The following DENND5A variants were observed in gnomAD, a reference collection of about 807,000 sequenced individuals.
The protein encoded by DENND5A is DENN domain containing 5A.
DENND5A carries 64 observed loss-of-function variants against 140.3 expected under a neutral mutation model. That is an observed-to-expected ratio of 0.46 (90% CI 0.37 to 0.56). DENND5A has a LOEUF of 0.56. DENND5A is among the 20% of genes least tolerant of loss of function. The pLI is 0.00. For missense variants in DENND5A, 1,292 were observed against 1,593.8 expected (o/e 0.81, Z 3.22); for synonymous variants, 605 against 607.7 (o/e 1.00, Z 0.07).
At chr11:9,229,116 T>G (rs912530096) in intron 1 of DENND5A, among the ~76,000 whole-genome samples, 1 of 152,172 alleles carries the variant, frequency 6.6e-6, no homozygotes, top group Non-Finnish European at 1.5e-5. Flanking sequence ...AGGCAGTTAG[T>G]GTCAGAATTG....
chr11:9,178,658 G>A (rs1022006201), intron 7 of DENND5A, among the ~76,000 whole-genome samples, 200 bp downstream of exon 7: 13 of 152,110 alleles, frequency 8.5e-5, no homozygotes, highest in African/African-American at 3.1e-4. Context: ...TTTGGCTGAA[G>A]GTAAATCGTC....
intron 10 of DENND5A, among the ~76,000 whole-genome samples, chr11:9,169,070 AAAG>A (rs1168259583): frequency 1.3e-5 from 2 of 152,180 alleles, no homozygotes; most frequent in Non-Finnish European, 2.9e-5. Context: ...TTAGTCTTTT[AAAG>A]AAGAAGAAGA....
At chr11:9,183,607 G>C (rs1848807147) in intron 5 of DENND5A, among the ~76,000 whole-genome samples, 1 of 151,966 alleles carries the variant, frequency 6.6e-6, no homozygotes, top group Admixed American at 6.6e-5. Context: ...GAGTGTCGCT[G>C]TGTTGCCCAG....
chr11:9,230,607 G>A (rs1850731551), intron 1 of DENND5A, among the ~76,000 whole-genome samples: 1 of 152,102 alleles, frequency 6.6e-6, no homozygotes, highest in African/African-American at 2.4e-5. Flanking sequence ...TAAGATGGGT[G>A]AGGAAAGGTA....
At chr11:9,250,271 C>CAA (rs533567696) in intron 1 of DENND5A, among the ~76,000 whole-genome samples, 15 of 142,190 alleles carry the variant, frequency 1.1e-4, no homozygotes, top group South Asian at 2.2e-4. Context: ...AAACTGTCAC[C>CAA]AAAAAAAAAA....
intron 3 of DENND5A, among the ~76,000 whole-genome samples, chr11:9,204,875 T>C (rs558024572): frequency 3.9e-5 from 6 of 152,160 alleles, no homozygotes; most frequent in South Asian, 2.1e-4. Flanking sequence ...AAGGTAATGT[T>C]AGAGTTCATC....
At chr11:9,157,015 T>C (rs1847828476) in intron 12 of DENND5A, among the ~76,000 whole-genome samples, 1 of 152,184 alleles carries the variant, frequency 6.6e-6, no homozygotes, top group Admixed American at 6.5e-5. Flanking sequence ...AATGATACGA[T>C]ACTATTTTTC....
intron 1 of DENND5A, among the ~76,000 whole-genome samples, chr11:9,219,162 TAA>T (rs1239733457): frequency 6.6e-6 from 1 of 151,774 alleles, no homozygotes; most frequent in African/African-American, 2.4e-5. Flanking sequence ...AACAAAATAA[TAA>T]AGTTTCCCAG....
At position 9,203,651 on chromosome 11, in the gene DENND5A, C is replaced by T; in HGVS notation, c.949+9G>A. On this transcript the variant is annotated intron_variant, in intron 4 of 22. Coordinates refer to ENST00000328194, the MANE Select transcript of DENND5A (RefSeq NM_015213.4). ...GGCAGGCAGAAGGCTCTAGTAAGCA[C>T]TGACTTACGCTGTGAGTAGAGCAGG... The T allele has an allele frequency of 6.2e-7, 1 of 1,606,356 alleles. No individual in the cohort carries two copies.
intron 10 of DENND5A, 76 bp downstream of exon 10, chr11:9,169,780 A>G (rs1234673698): frequency 2.1e-6 from 2 of 961,026 alleles, no homozygotes; most frequent in Non-Finnish European, 3.4e-6. Context: ...ATCAGACCAG[A>G]GAACAGGAAA....
chr11:9,249,238 A>T (rs902386449), intron 1 of DENND5A, among the ~76,000 whole-genome samples: 4 of 152,148 alleles, frequency 2.6e-5, no homozygotes, highest in African/African-American at 9.7e-5. Flanking sequence ...AAAAAAAAAA[A>T]GAAAAAGAAC....
chr11:9,179,126 CA>C, intron 6 of DENND5A, 53 bp from the exon 7 acceptor site: 1 of 1,489,654 alleles, frequency 6.7e-7, no homozygotes, highest in Non-Finnish European at 9.2e-7. Context: ...CCTTTTAACC[CA>C]AGGAATGCAA....
At chr11:9,141,896 C>T (rs751361557) in intron 22 of DENND5A, 44 bp downstream of exon 22, 1 of 1,512,942 alleles carries the variant, frequency 6.6e-7, no homozygotes, top group Non-Finnish European at 8.9e-7. Context: ...AACACCACCA[C>T]CAAGGCTAAC....
intron 5 of DENND5A, among the ~76,000 whole-genome samples, chr11:9,191,228 G>T (rs531775659): frequency 1.3e-5 from 2 of 149,808 alleles, no homozygotes; most frequent in African/African-American, 4.9e-5. Flanking sequence ...TTTTTTTTTT[G>T]AGGTGGAGTC....
chr11:9,251,661 G>T (rs1236325872), intron 1 of DENND5A, among the ~76,000 whole-genome samples: 1 of 152,138 alleles, frequency 6.6e-6, no homozygotes, highest in Non-Finnish European at 1.5e-5. Context: ...TTTGGAATAT[G>T]GCATTTGACT....
At chr11:9,230,219 TA>T (rs1290268688) in intron 1 of DENND5A, among the ~76,000 whole-genome samples, 15 of 142,888 alleles carry the variant, frequency 1.0e-4, no homozygotes, top group African/African-American at 3.9e-4. Flanking sequence ...CCATTTCATG[TA>T]AAACTAATGC....
chr11:9,220,318 C>T (rs1166237687), intron 1 of DENND5A, among the ~76,000 whole-genome samples: 2 of 151,756 alleles, frequency 1.3e-5, no homozygotes, highest in Non-Finnish European at 2.9e-5. Flanking sequence ...GAGGCCGACG[C>T]GGGCAGATCA....
At chr11:9,195,988 T>C (rs901312419) in intron 4 of DENND5A, among the ~76,000 whole-genome samples, 2 of 152,210 alleles carry the variant, frequency 1.3e-5, no homozygotes, top group African/African-American at 2.4e-5. Context: ...AGTCTCGCTC[T>C]GTCACCCAGG....
rs552605069 is a variant in DENND5A, at chr11:9,216,219, T to C, written c.110-8587A>G. ...TTCTTCACCTGAAAGATGAAGTATATGACTAGCTGCTCATCTCTAAAGGTT... is the reference window on the plus strand; with the variant it reads ...TTCTTCACCTGAAAGATGAAGTATACGACTAGCTGCTCATCTCTAAAGGTT... On this transcript the variant is annotated intron_variant, in intron 1 of 22. Transcript: ENST00000328194. 2.1e-4 allele frequency among the ~76,000 whole-genome samples: 32 copies of C among 152,370 alleles called. No homozygotes were observed. The South Asian group carries it at 6.2e-3, about 30-fold the overall frequency.
Sources: allele counts gnomAD v4.1 joint callset (sites outside exome capture counted in the v4.1 genomes callset), GRCh38; gene constraint gnomAD v4.1.1; transcripts MANE v1.5; gene names NCBI Gene and HGNC (gene_info 2026-07-23, HGNC 2026-07-21).